DNAH8: variants seen among roughly 807,000 people sequenced by gnomAD.
DNAH8 encodes axonemal beta dynein heavy chain 8.
A neutral mutation model predicts 562.1 loss-of-function variants in DNAH8; 382 were observed. The ratio of observed to expected loss-of-function variants is 0.68; its 90% CI spans 0.63 to 0.74. DNAH8 has a LOEUF of 0.74. Ranked by LOEUF, DNAH8 falls within the 30% of genes least tolerant of loss-of-function variation. The pLI, the probability that DNAH8 is intolerant of heterozygous loss-of-function variation, is 0.00. For synonymous variants in DNAH8, 1,881 were observed against 1,919.4 expected (o/e 0.98, Z 0.52); for missense variants, 5,203 against 5,620.4 (o/e 0.93, Z 2.37).
At chr6:38,995,150 C>A (rs556378663) in intron 88 of DNAH8, among the ~76,000 whole-genome samples, 1 of 150,994 alleles carries the variant, frequency 6.6e-6, no homozygotes, top group East Asian at 1.9e-4. Flanking sequence ...TGTTGAATAC[C>A]TTTCAACATT....
chr6:38,951,630 T>G, intron 82 of DNAH8, 110 bp downstream of exon 82: 1 of 918,998 alleles, frequency 1.1e-6, no homozygotes, highest in Non-Finnish European at 1.7e-6. Context: ...AAAACTGAAT[T>G]CGAAAAATAT....
At chr6:39,024,992 A>C (rs1169477799) in intron 91 of DNAH8, among the ~76,000 whole-genome samples, 1 of 152,224 alleles carries the variant, frequency 6.6e-6, no homozygotes, top group Non-Finnish European at 1.5e-5. Flanking sequence ...AAATGTGTCA[A>C]GATGCAAATA....
At chr6:38,875,927 A>G in intron 53 of DNAH8, 99 bp downstream of exon 53, 3 of 754,350 alleles carry the variant, frequency 4.0e-6, no homozygotes, top group South Asian at 3.8e-5. Context: ...TAAAACAATT[A>G]TGAAAACATA....
At chr6:38,724,647 A>T (rs964326542) in intron 3 of DNAH8, among the ~76,000 whole-genome samples, 1 of 152,214 alleles carries the variant, frequency 6.6e-6, no homozygotes, top group African/African-American at 2.4e-5. Flanking sequence ...ACAGTTTTGG[A>T]TGATAAATTG....
At chr6:38,984,500 A>C in intron 87 of DNAH8, 193 bp downstream of exon 87, 1 of 548,494 alleles carries the variant, frequency 1.8e-6, no homozygotes, top group African/African-American at 1.9e-5. Flanking sequence ...ACACACAACA[A>C]CCAGCAATTG....
chr6:38,959,088 A>AT lies in DNAH8; in HGVS notation c.12451+7569dup, dbSNP rs1483450509. On this transcript the variant is annotated intron_variant, in intron 82 of 92. Coordinates refer to ENST00000327475, the MANE Select transcript of DNAH8 (RefSeq NM_001206927.2). ...GGATAAGATTCAACATTCCTTTGTG[A>AT]TAAAAACCCTAAACTAATTAGGTAT... 3.3e-5 allele frequency among the ~76,000 whole-genome samples: 5 copies of AT among 152,300 alleles called. No individual in the cohort carries two copies. The South Asian group carries it at 8.3e-4, about 25-fold the overall frequency.
intron 91 of DNAH8, among the ~76,000 whole-genome samples, chr6:39,014,686 A>G (rs1478188245): frequency 1.3e-5 from 2 of 152,226 alleles, no homozygotes; most frequent in African/African-American, 4.8e-5. Context: ...TGCCAAAAAA[A>G]GAGCGGGTGC....
rs1777617121 is a variant in DNAH8, at chr6:38,873,319, T to C, written c.7563T>C (p.Tyr2521=). Residue 2521 remains tyrosine, a synonymous_variant, in exon 52 of 93, where the codon TAT becomes TAC. Transcript: ENST00000327475. The part of the protein sequence containing the change: ...YEKVFEDTYT[Y]MKLNLNPKMQ... The stretch of plus-strand genomic sequence containing the variant: ...AAGTCTTTGAAGATACATACACATA[T>C]ATGAAGCTAAATCTCAATCCCAAAA... The C allele has an allele frequency of 3.7e-6, 6 of 1,613,636 alleles. No individual in the cohort carries two copies. The highest frequency in any genetic ancestry group is 5.1e-6 in the Non-Finnish European group (6 of 1,179,870).
Position 38,975,366 on chromosome 6 carries a change from C to T in DNAH8, c.12834+837C>T, listed in dbSNP as rs566288558. Among the ~76,000 whole-genome samples, 7 of 151,298 alleles carry T rather than the reference C, an allele frequency of 4.6e-5. No homozygotes were observed. In the South Asian group the frequency reaches 1.5e-3, roughly 31 times the overall value. On this transcript the variant is annotated intron_variant, in intron 85 of 92. Coordinates refer to ENST00000327475, the MANE Select transcript of DNAH8 (RefSeq NM_001206927.2). ...CTTTAAGCCCTACCTGGAGTTCTTT[C>T]TTTCCTGGGGTTGGGGTGAAGGACA...
intron 12 of DNAH8, among the ~76,000 whole-genome samples, chr6:38,771,162 T>C (rs1224700268): frequency 1.3e-5 from 2 of 152,216 alleles, no homozygotes; most frequent in African/African-American, 4.8e-5. Context: ...GCTAATTCCC[T>C]GGATCCTGCT....
intron 21 of DNAH8, among the ~76,000 whole-genome samples, chr6:38,793,673 C>A (rs1225482549): frequency 6.6e-6 from 1 of 151,944 alleles, no homozygotes; most frequent in Non-Finnish European, 1.5e-5. Flanking sequence ...ACTTCTACTC[C>A]CTGCCCTCTT....
intron 15 of DNAH8, among the ~76,000 whole-genome samples, chr6:38,780,297 G>A (rs1421592921): frequency 2.0e-5 from 3 of 152,156 alleles, no homozygotes; most frequent in Non-Finnish European, 4.4e-5. Flanking sequence ...TATTTATTGA[G>A]TAGGAAGTCC....
At chr6:38,917,457 A>G (rs1432526365) in intron 69 of DNAH8, 51 bp downstream of exon 69, 3 of 1,469,402 alleles carry the variant, frequency 2.0e-6, no homozygotes, top group East Asian at 2.3e-5. Flanking sequence ...AGGCGTCCTC[A>G]GCCCAGGACA....
rs1057062701 is a variant in DNAH8 at position 38,938,939 on chromosome 6, C to T, written c.11958C>T (p.Asp3986=). ...TACTCCTCATGACCTTAAAGATTGACCTTCAGAGAGGGACAGTTAAGCACA... is the reference window on the plus strand; with the variant it reads ...TACTCCTCATGACCTTAAAGATTGATCTTCAGAGAGGGACAGTTAAGCACA... ...LFVLLMTLKI[D]LQRGTVKHRE... Residue 3986 remains aspartate, a synonymous_variant, in exon 79 of 93, where the codon GAC becomes GAT. Transcript: ENST00000327475. The T allele has an allele frequency of 2.5e-6, 4 of 1,613,914 alleles. No homozygotes were observed. The highest frequency in any genetic ancestry group is 2.7e-5 in the African/African-American group (2 of 74,998).
intron 5 of DNAH8, among the ~76,000 whole-genome samples, chr6:38,736,673 A>G (rs1197293599): frequency 6.6e-6 from 1 of 151,816 alleles, no homozygotes; most frequent in Non-Finnish European, 1.5e-5. Flanking sequence ...TACGGCTGGT[A>G]ATTTATTCCA....
rs1773472041 is a variant in DNAH8 at position 38,827,730 on chromosome 6, AAACTTTTTTTTT to A, written c.4084-453_4084-442del. Among the ~76,000 whole-genome samples the A allele has an allele frequency of 4.4e-5, 2 of 45,646 alleles. 1 individual carries two copies. The highest frequency in any genetic ancestry group is 8.3e-5 in the Non-Finnish European group (2 of 24,166). The allele number at this position is 45,646 out of a possible 152,430, so 29.9% of individuals were successfully genotyped here. ...GACTGCAAAAGCTTAATTCTTTACC[AAACTTTTTTTTT>A]TTTTTTTTTTTTTTTTTTTTTTTTT... is the stretch of plus-strand genomic sequence containing the variant. On this transcript the variant is annotated intron_variant, in intron 29 of 92. Transcript: ENST00000327475.
chr6:38,891,551 A>C (rs1179808870), intron 58 of DNAH8, among the ~76,000 whole-genome samples: 1 of 152,194 alleles, frequency 6.6e-6, no homozygotes, highest in Non-Finnish European at 1.5e-5. Flanking sequence ...TGGAAGAGGA[A>C]TTTGGGGGTT....
intron 3 of DNAH8, 40 bp downstream of exon 3, chr6:38,723,511 GAGTA>G (rs760325903): frequency 3.2e-6 from 5 of 1,572,188 alleles, no homozygotes; most frequent in Admixed American, 2.0e-5. Context: ...ATTGCCCTTT[GAGTA>G]AGTGATTAAC....
intron 72 of DNAH8, 121 bp downstream of exon 72, chr6:38,923,306 A>G (rs576009371): frequency 3.4e-6 from 4 of 1,183,222 alleles, no homozygotes; most frequent in Middle Eastern, 2.7e-4. Context: ...AACTTAAATC[A>G]TGCACTCTCA....
Sources: gnomAD v4.1 joint callset for allele counts (sites outside exome capture counted in the v4.1 genomes callset) on GRCh38, gnomAD v4.1.1 for gene constraint, MANE v1.5 for transcripts, NCBI Gene and HGNC (gene_info 2026-07-23, HGNC 2026-07-21) for gene names.